Variants in PRDM1 observed in about 807,000 individuals in gnomAD.
The protein encoded by PRDM1 is PR/SET domain 1.
PRDM1 carries 13 observed loss-of-function variants against 62.8 expected under a neutral mutation model. The ratio of observed to expected loss-of-function variants is 0.21; its 90% CI spans 0.13 to 0.33. PRDM1 has a LOEUF of 0.33. Ranked by LOEUF, PRDM1 falls within the 10% of genes least tolerant of loss-of-function variation. PRDM1 has a pLI of 1.00. For synonymous variants in PRDM1, 396 were observed against 417.6 expected, an observed-to-expected ratio of 0.95 and a Z score of 0.63; for missense variants, 895 against 1,058.8, an observed-to-expected ratio of 0.85 and a Z score of 2.15.
Position 106,105,358 on chromosome 6 carries a change from C to A in PRDM1, c.1198C>A (p.Pro400Thr), listed in dbSNP as rs1774436960. 6.2e-7 allele frequency: 1 copy of A among 1,613,866 alleles called. No homozygotes were observed. Among genetic ancestry groups the A allele is most frequent in the Non-Finnish European group, 8.5e-7 (1 of 1,179,830 alleles). ...CTACGCACCCCTGCCCCACCTCCCGCCAGCTTTCATCCCCTCGTACAACGC... is the reference window on the plus strand; with the variant it reads ...CTACGCACCCCTGCCCCACCTCCCGACAGCTTTCATCCCCTCGTACAACGC... ...PGYAPLPHLP[P>T]AFIPSYNAHY... The change falls in exon 5 of 7, where the codon CCA (proline) becomes ACA (threonine). Residue 400 changes from proline to threonine, a missense_variant. Transcript: ENST00000369096.
intron 1 of PRDM1, among the ~76,000 whole-genome samples, chr6:106,063,606 G>C (rs954971233): frequency 6.6e-6 from 1 of 152,112 alleles, no homozygotes; most frequent in African/African-American, 2.4e-5. Context: ...AATACATTAT[G>C]ATCAATCCCC....
In PRDM1 at chr6:106,099,430, A is replaced by G; in HGVS notation, c.542A>G (p.Asn181Ser). Reference sequence around the variant, plus strand: ...CTGGCTGCGTGTCAGAACGGGATGAACATCTACTTCTACACCATTAAGCCC... The same window carrying G: ...CTGGCTGCGTGTCAGAACGGGATGAGCATCTACTTCTACACCATTAAGCCC... The part of the protein sequence containing the change: ...QNLAACQNGM[N>S]IYFYTIKPIP... The change falls in exon 4 of 7, where the codon AAC becomes AGC. Residue 181 changes from asparagine to serine, a missense_variant. By Grantham distance (46) the Asn-to-Ser change is conservative. Around this residue, in one of 4 missense-constraint regions of PRDM1, gnomAD observed 213 missense variants for 283.9 expected, o/e 0.75. Coordinates refer to ENST00000369096, the MANE Select transcript of PRDM1 (RefSeq NM_001198.4). 1 of 1,614,188 alleles carries G rather than the reference A, an allele frequency of 6.2e-7. No homozygotes were observed. The highest frequency in any genetic ancestry group is 8.5e-7 in the Non-Finnish European group (1 of 1,180,034).
At chr6:106,022,426 ATT>A (rs67542176) in intron 1 of PRDM1, among the ~76,000 whole-genome samples, 110 of 132,668 alleles carry the variant, frequency 8.3e-4, no homozygotes, top group Non-Finnish European at 8.8e-4. Flanking sequence ...CGCCCAGCTA[ATT>A]TTTTTTTTTT....
chr6:106,098,758 T>TTAG (rs1204756741), intron 3 of PRDM1: 5 of 1,455,912 alleles, frequency 3.4e-6, no homozygotes, highest in Non-Finnish European at 4.6e-6. Flanking sequence ...AAGTGTTACT[T>TTAG]TAGGACTTGG....
At chr6:106,050,909 C>T (rs967703287) in intron 1 of PRDM1, among the ~76,000 whole-genome samples, 1 of 152,068 alleles carries the variant, frequency 6.6e-6, no homozygotes, top group African/African-American at 2.4e-5. Flanking sequence ...AAAGTGTTTA[C>T]TTTTTGTATT....
intron 1 of PRDM1, among the ~76,000 whole-genome samples, chr6:106,051,884 A>G (rs1230778573): frequency 4.6e-5 from 7 of 152,350 alleles, no homozygotes; most frequent in Non-Finnish European, 1.0e-4. Context: ...GAGAATCAGA[A>G]TTTACACGAA....
intron 1 of PRDM1, among the ~76,000 whole-genome samples, chr6:106,007,498 C>G (rs977141192): frequency 2.0e-5 from 3 of 148,384 alleles, no homozygotes; most frequent in African/African-American, 7.3e-5. Context: ...TTGAGCAGAC[C>G]ATTCATGTGA....
Position 106,109,519 on chromosome 6 carries a change from GTCT to G in PRDM1, c.*2037_*2039del, listed in dbSNP as rs1161163293. 203 of 233,584 alleles carry G rather than the reference GTCT, an allele frequency of 8.7e-4. 1 individual carries two copies. The highest frequency in any genetic ancestry group is 4.3e-3 in the African/African-American group (196 of 45,426). 14.5% of individuals were successfully genotyped at this position (233,584 alleles called of 1,614,324 possible). Reference sequence around the variant, plus strand: ...CCAGGGAAACCCAAGAGCCTTACTGGTCTTCTGTAACTTCCAAGACTGACAGCT... The same window carrying G: ...CCAGGGAAACCCAAGAGCCTTACTGGTCTGTAACTTCCAAGACTGACAGCT... On this transcript the variant is annotated 3_prime_UTR_variant, in exon 7 of 7. Coordinates refer to ENST00000369096, the MANE Select transcript of PRDM1 (RefSeq NM_001198.4).
At chr6:106,040,177 C>T (rs527833385) in intron 1 of PRDM1, among the ~76,000 whole-genome samples, 9 of 152,220 alleles carry the variant, frequency 5.9e-5, no homozygotes, top group African/African-American at 1.7e-4. Context: ...TCTTGAACTG[C>T]GAGGAGCTTA....
intron 1 of PRDM1, among the ~76,000 whole-genome samples, chr6:106,012,169 AC>A (rs1772561366): frequency 7.2e-6 from 1 of 138,978 alleles, no homozygotes. Flanking sequence ...ATTCACACAC[AC>A]CACACTACAC....
chr6:106,014,333 T>G (rs1057032489), intron 1 of PRDM1, among the ~76,000 whole-genome samples: 2 of 151,996 alleles, frequency 1.3e-5, no homozygotes, highest in African/African-American at 4.8e-5. Context: ...GCGCTGGGAT[T>G]ACAGGTATGA....
rs1772317213 is a variant in PRDM1 at position 105,994,086 on chromosome 6, A to G, written c.-67+447A>G. 6.6e-6 allele frequency among the ~76,000 whole-genome samples: 1 copy of G among 152,224 alleles called. No homozygotes were observed. Among genetic ancestry groups the G allele is most frequent in the African/African-American group, 2.4e-5 (1 of 41,464 alleles). On this transcript the variant is annotated intron_variant, in intron 1 of 6. Coordinates refer to the PRDM1 transcript ENST00000652320. The surrounding 1 kb of genome is among the most constrained non-coding windows in gnomAD (Gnocchi z 4.1). ...GCACTGATTCCTGGACAGTCACTCA[A>G]AAGCTGCGCCCAAAGTTTTAAAAAG...
At chr6:106,055,128 T>C (rs1255611449) in intron 1 of PRDM1, among the ~76,000 whole-genome samples, 1 of 152,202 alleles carries the variant, frequency 6.6e-6, no homozygotes, top group Non-Finnish European at 1.5e-5. Flanking sequence ...AGGAAGGAAA[T>C]AATTCTCACG....
At chr6:106,004,029 C>T (rs967771208) in intron 1 of PRDM1, among the ~76,000 whole-genome samples, 1 of 152,032 alleles carries the variant, frequency 6.6e-6, no homozygotes, top group African/African-American at 2.4e-5. Flanking sequence ...GGGTAATGCT[C>T]TCCCCCACTT....
intron 3 of PRDM1, chr6:106,099,051 T>C (rs1422928431): frequency 6.2e-7 from 1 of 1,613,706 alleles, no homozygotes; most frequent in African/African-American, 1.3e-5. Context: ...ATTTTTCTGT[T>C]ATTTTCCCGA....
chr6:106,016,374 TA>T (rs1772620388), intron 1 of PRDM1, among the ~76,000 whole-genome samples: 1 of 152,108 alleles, frequency 6.6e-6, no homozygotes, highest in African/African-American at 2.4e-5. Context: ...AAATTTATAT[TA>T]TTTACATTTA....
intron 2 of PRDM1, among the ~76,000 whole-genome samples, chr6:106,091,220 G>A (rs1009597451): frequency 6.6e-6 from 1 of 152,160 alleles, no homozygotes; most frequent in African/African-American, 2.4e-5. Flanking sequence ...AAGAGGCACT[G>A]TGGCTCTGTG....
chr6:106,051,307 A>G (rs747753536), intron 1 of PRDM1, among the ~76,000 whole-genome samples: 19 of 152,220 alleles, frequency 1.2e-4, no homozygotes, highest in Non-Finnish European at 2.5e-4. Context: ...ACATAACCTC[A>G]GTGGGCTAGG....
intron 2 of PRDM1, among the ~76,000 whole-genome samples, chr6:106,093,688 T>C (rs1034324990): frequency 1.3e-5 from 2 of 152,206 alleles, no homozygotes; most frequent in African/African-American, 2.4e-5. Context: ...TATATTTATA[T>C]CTCAAGACTG....
Sources: gnomAD v4.1 joint callset for allele counts (sites outside exome capture counted in the v4.1 genomes callset) on GRCh38, gnomAD v4.1.1 for gene constraint, gnomAD v4.1.1 regional missense constraint, Gnocchi (gnomAD v3.1) non-coding constraint, MANE v1.5 for transcripts, NCBI Gene and HGNC (gene_info 2026-07-23, HGNC 2026-07-21) for gene names.